The following FAM185A variants were observed in gnomAD, a reference collection of about 807,000 sequenced individuals.
FAM185A encodes protein FAM185A.
A neutral mutation model predicts 45.7 loss-of-function variants in FAM185A; 21 were observed. The observed-to-expected ratio is 0.46, with a 90% confidence interval of 0.33 to 0.66. The LOEUF (loss-of-function observed/expected upper bound fraction) is 0.66. Ranked by LOEUF, FAM185A falls within the 30% of genes least tolerant of loss-of-function variation. FAM185A has a pLI of 0.03. For missense variants in FAM185A, 305 were observed against 485.4 expected, an observed-to-expected ratio of 0.63 and a Z score of 3.49; for synonymous variants, 117 against 194.0, an observed-to-expected ratio of 0.60 and a Z score of 3.30.
intron 7 of FAM185A, among the ~76,000 whole-genome samples, chr7:102,799,482 C>T (rs1019098214): frequency 6.6e-6 from 1 of 152,226 alleles, no homozygotes; most frequent in Admixed American, 6.5e-5. Context: ...GCATCTAGCA[C>T]CTTTTCTTCA....
chr7:102,832,761 C>T, the FAM185A span: 2 of 1,555,908 alleles, frequency 1.3e-6, no homozygotes, highest in South Asian at 2.4e-5. Flanking sequence ...TATTCTGAGT[C>T]CAGCCCTGAT....
At chr7:102,774,318 C>T (rs1216692060) in intron 5 of FAM185A, among the ~76,000 whole-genome samples, 1 of 152,104 alleles carries the variant, frequency 6.6e-6, no homozygotes, top group Non-Finnish European at 1.5e-5. Flanking sequence ...TAAATTTATT[C>T]TAATAGTGGT....
At chr7:102,813,514 A>AT, downstream of FAM185A, 1 of 1,613,934 alleles carries the variant, frequency 6.2e-7, no homozygotes, top group Non-Finnish European at 8.5e-7. Context: ...TTTAGATGAC[A>AT]TTCTTTGAGC....
chr7:102,795,641 A>G (rs1462369754), intron 7 of FAM185A, among the ~76,000 whole-genome samples: 1 of 152,184 alleles, frequency 6.6e-6, no homozygotes, highest in Non-Finnish European at 1.5e-5. Flanking sequence ...TCACAGGACA[A>G]AGTACCAGAG....
chr7:102,766,225 G>A (rs1794389213), intron 4 of FAM185A, among the ~76,000 whole-genome samples: 1 of 152,286 alleles, frequency 6.6e-6, no homozygotes, highest in African/African-American at 2.4e-5. Flanking sequence ...TTTATGTTAT[G>A]ATCCGGAACA....
the FAM185A span, chr7:102,821,904 C>T: frequency 1.4e-5 from 14 of 996,062 alleles, no homozygotes; most frequent in Non-Finnish European, 2.0e-5. Flanking sequence ...ATGTTAGCTT[C>T]AATTAGGCAA....
At chr7:102,822,306 T>C in the FAM185A span, 2 of 1,061,690 alleles carry the variant, frequency 1.9e-6, no homozygotes. Flanking sequence ...CCACAGACTG[T>C]GGCTTAAACA....
At chr7:102,813,363 G>A (rs147504395), downstream of FAM185A, 96 of 1,613,512 alleles carry the variant, frequency 5.9e-5, no homozygotes, top group Non-Finnish European at 8.1e-5. Context: ...GGTCTTCACT[G>A]CTGTATGTTG....
intron 4 of FAM185A, among the ~76,000 whole-genome samples, chr7:102,768,802 T>C (rs555167718): frequency 2.0e-5 from 3 of 152,156 alleles, no homozygotes; most frequent in South Asian, 4.1e-4. Context: ...AACTTGAGAG[T>C]AGGGTAAGCA....
the FAM185A span, among the ~76,000 whole-genome samples, chr7:102,830,880 G>A: frequency 5.3e-5 from 8 of 152,178 alleles, no homozygotes; most frequent in African/African-American, 1.7e-4. Context: ...AGTTTTTCCT[G>A]TTAATTTGTG....
At chr7:102,826,894 T>C in the FAM185A span, among the ~76,000 whole-genome samples, 235 of 149,080 alleles carry the variant, frequency 1.6e-3, 1 homozygote, top group African/African-American at 5.3e-3. Flanking sequence ...AATTATCTTC[T>C]TGCATATTAT....
At chr7:102,826,755 A>ATATATATGTG in the FAM185A span, among the ~76,000 whole-genome samples, 1 of 114,732 alleles carries the variant, frequency 8.7e-6, no homozygotes, top group Admixed American at 1.0e-4. Context: ...ATATATATAT[A>ATATATATGTG]TATATATATA....
At chr7:102,842,129 A>G in the FAM185A span, among the ~76,000 whole-genome samples, 1 of 152,208 alleles carries the variant, frequency 6.6e-6, no homozygotes, top group Non-Finnish European at 1.5e-5. Context: ...AAGAGACAAA[A>G]GATCCAAATG....
chr7:102,844,152 C>T, the FAM185A span, among the ~76,000 whole-genome samples: 2 of 152,136 alleles, frequency 1.3e-5, no homozygotes, highest in Non-Finnish European at 2.9e-5. Context: ...GGTTTCAGGG[C>T]TTTAAAAAGC....
intron 5 of FAM185A, among the ~76,000 whole-genome samples, chr7:102,776,719 A>G (rs942912810): frequency 2.2e-5 from 3 of 137,114 alleles, no homozygotes; most frequent in Non-Finnish European, 3.2e-5. Context: ...AAAAAAAAAA[A>G]GAAAAAAAGA....
the FAM185A span, among the ~76,000 whole-genome samples, chr7:102,847,683 T>G: frequency 6.6e-6 from 1 of 152,052 alleles, no homozygotes; most frequent in African/African-American, 2.4e-5. Context: ...TGCGCCACTA[T>G]GCCTGGCTAA....
the FAM185A span, among the ~76,000 whole-genome samples, chr7:102,833,537 ATCTTGTGCC>A: frequency 6.8e-6 from 1 of 146,690 alleles, no homozygotes; most frequent in Non-Finnish European, 1.5e-5. Context: ...GGTTCAAGTG[ATCTTGTGCC>A]TCTTGTGCCT....
At chr7:102,779,566 C>T (rs1011103079) in intron 6 of FAM185A, among the ~76,000 whole-genome samples, 44 of 152,244 alleles carry the variant, frequency 2.9e-4, no homozygotes, top group African/African-American at 9.4e-4. Flanking sequence ...GGTAGAAAAA[C>T]GTGTCTTCTA....
At chr7:102,772,154 T>C (rs1261956850) in intron 4 of FAM185A, among the ~76,000 whole-genome samples, 1 of 141,152 alleles carries the variant, frequency 7.1e-6, no homozygotes, top group Admixed American at 7.2e-5. Flanking sequence ...TTTTCCTCTG[T>C]GCCAGCAGTT....
Sources: gnomAD v4.1 joint callset for allele counts (sites outside exome capture counted in the v4.1 genomes callset) on GRCh38, gnomAD v4.1.1 for gene constraint, MANE v1.5 for transcripts, NCBI Gene and HGNC (gene_info 2026-07-23, HGNC 2026-07-21) for gene names.